The following NLGN1 variants were observed in gnomAD, a reference collection of about 807,000 sequenced individuals.
NLGN1 encodes the protein neuroligin-1.
Under a neutral mutation model 65.5 loss-of-function variants are expected in NLGN1, and 12 were observed. The ratio of observed to expected loss-of-function variants is 0.18; its 90% CI spans 0.12 to 0.30. The LOEUF is 0.30. Among genes scored for constraint, NLGN1 ranks in the 10% least tolerant of loss-of-function variants. NLGN1 has a pLI of 1.00. For synonymous variants in NLGN1, 350 were observed against 359.5 expected (o/e 0.97, Z 0.30); for missense variants, 750 against 1,007.1 (o/e 0.74, Z 3.46).
chr3:174,237,137 C>A (rs1741859700), intron 4 of NLGN1, among the ~76,000 whole-genome samples: 1 of 151,908 alleles, frequency 6.6e-6, no homozygotes, highest in Non-Finnish European at 1.5e-5. Context: ...TAAATAAAGT[C>A]TTTTTTGCTT....
intron 2 of NLGN1, among the ~76,000 whole-genome samples, chr3:173,572,877 A>G (rs1271995845): frequency 1.3e-5 from 2 of 152,120 alleles, no homozygotes; most frequent in Non-Finnish European, 2.9e-5. Context: ...GAATCACTGT[A>G]TCTCACTACA....
intron 1 of NLGN1, among the ~76,000 whole-genome samples, chr3:173,434,565 A>G (rs1383332736): frequency 6.6e-6 from 1 of 152,218 alleles, no homozygotes; most frequent in Non-Finnish European, 1.5e-5. Context: ...GACATCATGT[A>G]GTTGGAGACA....
At chr3:173,944,734 G>C (rs1267264394) in intron 4 of NLGN1, among the ~76,000 whole-genome samples, 1 of 152,056 alleles carries the variant, frequency 6.6e-6, no homozygotes, top group East Asian at 1.9e-4. Flanking sequence ...GTACATCTTT[G>C]CTCCTTTCTG....
At chr3:173,615,525 T>C (rs770697024) in intron 3 of NLGN1, among the ~76,000 whole-genome samples, 4 of 152,298 alleles carry the variant, frequency 2.6e-5, no homozygotes, top group East Asian at 1.9e-4. Flanking sequence ...TAGCTGCTTC[T>C]GTAAAGAAAG....
At chr3:173,918,886 C>T (rs1029610531) in intron 4 of NLGN1, among the ~76,000 whole-genome samples, 7 of 151,982 alleles carry the variant, frequency 4.6e-5, no homozygotes, top group Non-Finnish European at 1.0e-4. Flanking sequence ...CATTTGGTGG[C>T]TCTAGTAGAG....
intron 4 of NLGN1, among the ~76,000 whole-genome samples, chr3:173,996,600 C>A (rs1280203692): frequency 2.0e-5 from 3 of 152,172 alleles, no homozygotes; most frequent in Non-Finnish European, 4.4e-5. Context: ...AGTTGATCTT[C>A]CCTGAAGAGA....
At chr3:174,113,136 C>T (rs995459058) in intron 4 of NLGN1, among the ~76,000 whole-genome samples, 9 of 151,852 alleles carry the variant, frequency 5.9e-5, no homozygotes, top group Admixed American at 2.6e-4. Flanking sequence ...GATTTTAATG[C>T]TTATTTTTTA....
intron 3 of NLGN1, among the ~76,000 whole-genome samples, chr3:173,719,017 T>C (rs1003060661): frequency 2.6e-5 from 4 of 152,310 alleles, no homozygotes; most frequent in African/African-American, 9.6e-5. Context: ...GCCCCCAAAG[T>C]AAATCAGACT....
intron 4 of NLGN1, among the ~76,000 whole-genome samples, chr3:173,907,037 G>A (rs1170797213): frequency 6.6e-6 from 1 of 152,064 alleles, no homozygotes; most frequent in Non-Finnish European, 1.5e-5. Flanking sequence ...AGAAACAGTT[G>A]AAGATCTTCC....
intron 2 of NLGN1, among the ~76,000 whole-genome samples, chr3:173,491,760 C>A (rs759597966): frequency 5.9e-5 from 9 of 151,676 alleles, no homozygotes; most frequent in Non-Finnish European, 1.3e-4. Context: ...TTCCTTGATA[C>A]GTCAAAATCT....
intron 3 of NLGN1, among the ~76,000 whole-genome samples, chr3:173,704,824 A>G (rs1253150983): frequency 6.6e-6 from 1 of 152,166 alleles, no homozygotes; most frequent in Admixed American, 6.5e-5. Context: ...TCTCACATGA[A>G]GTTACAGTAA....
chr3:173,491,478 G>A (rs930878192), intron 2 of NLGN1, among the ~76,000 whole-genome samples: 8 of 151,804 alleles, frequency 5.3e-5, no homozygotes, highest in African/African-American at 1.9e-4. Context: ...TTTTTGATGT[G>A]CTGCTGGATT....
chr3:173,676,204 G>A (rs1291816236), intron 3 of NLGN1, among the ~76,000 whole-genome samples: 1 of 152,072 alleles, frequency 6.6e-6, no homozygotes, highest in Non-Finnish European at 1.5e-5. Flanking sequence ...GAGGCATGCT[G>A]CTCTTCCTTG....
At chr3:173,981,914 CT>C (rs1718870837) in intron 4 of NLGN1, among the ~76,000 whole-genome samples, 1 of 151,910 alleles carries the variant, frequency 6.6e-6, no homozygotes, top group Non-Finnish European at 1.5e-5. Flanking sequence ...AAGCTGCTTT[CT>C]TTTTTCTTCA....
At chr3:173,573,283 G>A (rs1304939199) in intron 2 of NLGN1, among the ~76,000 whole-genome samples, 1 of 151,866 alleles carries the variant, frequency 6.6e-6, no homozygotes, top group Admixed American at 6.6e-5. Flanking sequence ...CCTCCAAACT[G>A]GAAAAAAACC....
chr3:173,874,315 T>C (rs934040561), intron 4 of NLGN1, among the ~76,000 whole-genome samples: 14 of 152,202 alleles, frequency 9.2e-5, no homozygotes, highest in African/African-American at 3.1e-4. Context: ...GGCGGTCTGA[T>C]GAATCCTATG....
intron 4 of NLGN1, among the ~76,000 whole-genome samples, chr3:174,124,976 A>G (rs1361388682): frequency 6.6e-6 from 1 of 152,084 alleles, no homozygotes; most frequent in East Asian, 1.9e-4. Context: ...GGCTTGGGAC[A>G]CTTGAAGAAT....
intron 2 of NLGN1, among the ~76,000 whole-genome samples, chr3:173,446,930 A>G (rs190840095): frequency 6.6e-6 from 1 of 151,934 alleles, no homozygotes; most frequent in African/African-American, 2.4e-5. Flanking sequence ...TTTCTTGTAA[A>G]TTTGTTTGAG....
chr3:173,609,203 A>G (rs1331307773), intron 3 of NLGN1, among the ~76,000 whole-genome samples: 2 of 151,948 alleles, frequency 1.3e-5, no homozygotes, highest in Non-Finnish European at 2.9e-5. Flanking sequence ...GTGTTTCTCC[A>G]GCACTTTTAC....
Sources: gnomAD v4.1 joint callset for allele counts (sites outside exome capture counted in the v4.1 genomes callset) on GRCh38, gnomAD v4.1.1 for gene constraint, MANE v1.5 for transcripts, NCBI Gene and HGNC (gene_info 2026-07-23, HGNC 2026-07-21) for gene names.